Variants in CDH13 observed in about 807,000 individuals in gnomAD.
CDH13 encodes the protein cadherin 13.
A neutral mutation model predicts 63.8 loss-of-function variants in CDH13; 24 were observed. The ratio of observed to expected loss-of-function variants is 0.38; its 90% CI spans 0.27 to 0.53. The LOEUF is 0.53. Among genes scored for constraint, CDH13 ranks in the 20% least tolerant of loss-of-function variants. CDH13 has a pLI of 0.85. For missense variants in CDH13, 1,049 were observed against 903.1 expected, an observed-to-expected ratio of 1.16 and a Z score of -2.07; for synonymous variants, 503 against 355.3, an observed-to-expected ratio of 1.42 and a Z score of -4.67.
intron 7 of CDH13, among the ~76,000 whole-genome samples, chr16:83,602,180 A>G (rs571631709): frequency 6.9e-6 from 1 of 144,288 alleles, no homozygotes; most frequent in Non-Finnish European, 1.5e-5. Flanking sequence ...CAGGAAATGG[A>G]ACATTCTGTG....
At chr16:83,202,431 A>G (rs2039058504) in intron 4 of CDH13, among the ~76,000 whole-genome samples, 1 of 152,140 alleles carries the variant, frequency 6.6e-6, no homozygotes, top group African/African-American at 2.4e-5. Flanking sequence ...CCCTGGAAAG[A>G]TTTTAATCAG....
At chr16:82,735,810 G>A (rs1375965761) in intron 1 of CDH13, among the ~76,000 whole-genome samples, 1 of 152,208 alleles carries the variant, frequency 6.6e-6, no homozygotes, top group Non-Finnish European at 1.5e-5. Context: ...TTGCTGGGTA[G>A]ACTCTTTAGC....
At chr16:83,036,879 A>G (rs1032265289) in intron 3 of CDH13, among the ~76,000 whole-genome samples, 1 of 152,176 alleles carries the variant, frequency 6.6e-6, no homozygotes, top group Non-Finnish European at 1.5e-5. Context: ...GCCAGGGTCC[A>G]GCATCCCAGG....
At chr16:83,699,788 A>G (rs1905940386) in intron 10 of CDH13, among the ~76,000 whole-genome samples, 1 of 152,036 alleles carries the variant, frequency 6.6e-6, no homozygotes. Context: ...AAAGCCCTCG[A>G]TTTTCCATCC....
intron 2 of CDH13, among the ~76,000 whole-genome samples, chr16:82,931,187 C>G (rs1041517371): frequency 6.6e-5 from 10 of 152,218 alleles, no homozygotes; most frequent in African/African-American, 2.4e-4. Flanking sequence ...ATTTCCCTCT[C>G]TCGTGTCAAA....
In CDH13 at chr16:83,424,727, C is replaced by G. The variant is rs151322324; in HGVS notation, c.782-61750C>G. ...CTCTTGGAACATTATTGTATAATTT[C>G]TGGTTCTTTTCTCTCTCGACTGTAG... On this transcript the variant is annotated intron_variant, in intron 6 of 13. Coordinates refer to ENST00000567109, the MANE Select transcript of CDH13 (RefSeq NM_001257.5). Among the ~76,000 whole-genome samples, 883 of 152,294 alleles carry G rather than the reference C, an allele frequency of 5.8e-3. 11 individuals carry two copies. The highest frequency in any genetic ancestry group is 0.02 in the African/African-American group (829 of 41,578).
chr16:83,635,523 T>C (rs1477290986), intron 8 of CDH13, among the ~76,000 whole-genome samples: 1 of 151,878 alleles, frequency 6.6e-6, no homozygotes, highest in Non-Finnish European at 1.5e-5. Flanking sequence ...TTTGTATTTT[T>C]AGTAGAGATG....
chr16:82,870,367 G>A (rs2040301509), intron 2 of CDH13, among the ~76,000 whole-genome samples: 1 of 152,050 alleles, frequency 6.6e-6, no homozygotes, highest in South Asian at 2.1e-4. Context: ...ACTGTTGGTG[G>A]GAATGTAAAT....
chr16:83,636,835 G>T (rs1911308868), intron 8 of CDH13, among the ~76,000 whole-genome samples: 1 of 152,152 alleles, frequency 6.6e-6, no homozygotes. Flanking sequence ...GAAATGTCCA[G>T]ACTGCTCTCC....
intron 1 of CDH13, among the ~76,000 whole-genome samples, chr16:82,753,258 C>G (rs1445199601): frequency 1.3e-5 from 2 of 152,296 alleles, no homozygotes; most frequent in Non-Finnish European, 1.5e-5. Flanking sequence ...TCAGTTCAAT[C>G]TCTCTTTATT....
intron 2 of CDH13, among the ~76,000 whole-genome samples, chr16:82,968,275 A>C (rs16958972): frequency 0.14 from 20,804 of 152,216 alleles, 1,822 homozygotes; most frequent in African/African-American, 0.26. Flanking sequence ...GTCAACTTTT[A>C]TTGCTTCACT....
chr16:83,415,795 C>T (rs1024485226), intron 6 of CDH13, among the ~76,000 whole-genome samples: 6 of 152,142 alleles, frequency 3.9e-5, no homozygotes, highest in Non-Finnish European at 8.8e-5. Flanking sequence ...TAGCTAACGT[C>T]ATACTCAACA....
chr16:83,141,985 G>A (rs571733194), intron 4 of CDH13, among the ~76,000 whole-genome samples: 1 of 152,188 alleles, frequency 6.6e-6, no homozygotes, highest in South Asian at 2.1e-4. Context: ...GAATAGGAAA[G>A]CACTGGCTGA....
chr16:82,896,276 A>ATTTTTTTTTTTT lies in CDH13; in HGVS notation c.157+37825_157+37836dup, dbSNP rs59677448. ...GAGTCTTCTGAGAACTAGGATTAGG[A>ATTTTTTTTTTTT]TTTTTTTTTTTTTTTTTTTTTTTTT... On this transcript the variant is annotated intron_variant, in intron 2 of 13. Coordinates refer to ENST00000567109, the MANE Select transcript of CDH13 (RefSeq NM_001257.5). 2.9e-3 allele frequency among the ~76,000 whole-genome samples: 259 copies of ATTTTTTTTTTTT among 87,812 alleles called. 25 individuals are homozygous for ATTTTTTTTTTTT. The highest frequency in any genetic ancestry group is 4.8e-3 in the African/African-American group (114 of 23,538). 57.6% of individuals were successfully genotyped at this position (87,812 alleles called of 152,430 possible).
At chr16:83,033,925 C>T (rs906056912) in intron 3 of CDH13, among the ~76,000 whole-genome samples, 11 of 152,148 alleles carry the variant, frequency 7.2e-5, no homozygotes, top group Non-Finnish European at 1.6e-4. Flanking sequence ...TAATTCACAT[C>T]CCTTTTCTCC....
In CDH13 at chr16:83,363,916, G is replaced by T. The variant is rs1172699331; in HGVS notation, c.781+18910G>T. On this transcript the variant is annotated intron_variant, in intron 6 of 13. Transcript: ENST00000567109. ...ACATCAAGTGGACTTGTGACCTTGG[G>T]AGTGTAAGCACCTACAGTGGACAGA... Among the ~76,000 whole-genome samples, 6 of 152,190 alleles carry T rather than the reference G, an allele frequency of 3.9e-5. No individual in the cohort carries two copies. The East Asian group carries it at 9.6e-4, about 24-fold the overall frequency.
At chr16:82,952,597 T>C (rs1905454169) in intron 2 of CDH13, among the ~76,000 whole-genome samples, 2 of 152,186 alleles carry the variant, frequency 1.3e-5, no homozygotes, top group African/African-American at 4.8e-5. Context: ...CTAATATCTG[T>C]TTACTTATTA....
chr16:83,635,495 C>T (rs1911177984), intron 8 of CDH13, among the ~76,000 whole-genome samples: 1 of 151,830 alleles, frequency 6.6e-6, no homozygotes, highest in South Asian at 2.1e-4. Context: ...AGGCACATGC[C>T]ACCATGCCCA....
chr16:83,615,484 T>C (rs1909207780), intron 8 of CDH13, among the ~76,000 whole-genome samples: 1 of 152,180 alleles, frequency 6.6e-6, no homozygotes, highest in African/African-American at 2.4e-5. Context: ...ATGAGGCTTT[T>C]TATAGCTATT....
Sources: gnomAD v4.1 joint callset for allele counts (sites outside exome capture counted in the v4.1 genomes callset) on GRCh38, gnomAD v4.1.1 for gene constraint, MANE v1.5 for transcripts, NCBI Gene and HGNC (gene_info 2026-07-23, HGNC 2026-07-21) for gene names.